Variants in KCNQ1 observed in about 807,000 individuals in gnomAD.
KCNQ1 encodes potassium voltage-gated channel subfamily Q member 1.
In KCNQ1, 49 loss-of-function variants were observed where a neutral mutation model predicts 72.4. The observed-to-expected ratio is 0.68, with a 90% CI of 0.54 to 0.86. The LOEUF (loss-of-function observed/expected upper bound fraction) is 0.86. Among genes scored for constraint, KCNQ1 ranks in the 40% least tolerant of loss-of-function variants. The probability of loss-of-function intolerance (pLI) is 0.00; values close to 1 mark genes in which losing one functional copy is unlikely to be tolerated. For synonymous variants in KCNQ1, 450 were observed against 412.6 expected (o/e 1.09, Z -1.10); for missense variants, 790 against 945.1 (o/e 0.84, Z 2.15).
intron 11 of KCNQ1, chr11:2,694,096 A>G: frequency 2.5e-6 from 1 of 398,676 alleles, no homozygotes; most frequent in Non-Finnish European, 4.4e-6. Flanking sequence ...TCTGGGTGGC[A>G]GCCCATAGGT....
chr11:2,454,714 A>T (rs572381831), intron 1 of KCNQ1, among the ~76,000 whole-genome samples: 2 of 152,230 alleles, frequency 1.3e-5, no homozygotes, highest in Non-Finnish European at 2.9e-5. Flanking sequence ...TTTTGATAAA[A>T]TTCATCATCC....
In KCNQ1 at chr11:2,657,703, GGATC is replaced by G; in HGVS notation, c.1394-4253_1394-4250del. On this transcript the variant is annotated intron_variant, in intron 10 of 15. Transcript: ENST00000155840. This position sits in a 1 kb window ranked among gnomAD's most constrained non-coding sequence, Gnocchi z 4.8. ...TTTTTCTGTTCCAAGATCCCATCTA[GGATC>G]GATCATTACATTTATTGTCATCTCT... 2.5e-6 allele frequency: 1 copy of G among 398,574 alleles called. No homozygotes were observed. Among genetic ancestry groups the G allele is most frequent in the Non-Finnish European group, 4.4e-6 (1 of 226,054 alleles). 24.7% of individuals were successfully genotyped at this position (398,574 alleles called of 1,614,324 possible).
At chr11:2,513,470 A>G (rs1359064095) in intron 1 of KCNQ1, among the ~76,000 whole-genome samples, 1 of 152,094 alleles carries the variant, frequency 6.6e-6, no homozygotes, top group East Asian at 1.9e-4. Context: ...CATAGAGCCT[A>G]GGGGGTCTTG....
intron 15 of KCNQ1, among the ~76,000 whole-genome samples, chr11:2,819,704 T>A (rs1428129452): frequency 6.6e-6 from 1 of 152,194 alleles, no homozygotes; most frequent in East Asian, 1.9e-4. Context: ...ATGGGATGGA[T>A]GTCGTCTGCT....
rs1846528435 is a variant in KCNQ1 at position 2,768,060 on chromosome 11, C to G, written c.1515-784C>G. Among the ~76,000 whole-genome samples the G allele has an allele frequency of 6.6e-6, 1 of 152,226 alleles. No individual in the cohort carries two copies. The highest frequency in any genetic ancestry group is 2.4e-5 in the African/African-American group (1 of 41,468). On this transcript the variant is annotated intron_variant, in intron 11 of 15. Coordinates refer to ENST00000155840, the MANE Select transcript of KCNQ1 (RefSeq NM_000218.3). This position sits in a 1 kb window ranked among gnomAD's most constrained non-coding sequence, Gnocchi z 6.7. ...TGGGATCCTCACCTTCTATGTCTTT[C>G]TTGGTCTCCAAAGCCTCACACAGCT...
Position 2,486,117 on chromosome 11 carries a change from A to G in KCNQ1, c.386+40633A>G, listed in dbSNP as rs763274129. 2.6e-5 allele frequency among the ~76,000 whole-genome samples: 4 copies of G among 152,212 alleles called. No individual in the cohort carries two copies. The highest frequency in any genetic ancestry group is 5.9e-5 in the Non-Finnish European group (4 of 68,038). On this transcript the variant is annotated intron_variant, in intron 1 of 15. Transcript: ENST00000155840. The surrounding 1 kb of genome is among the most constrained non-coding windows in gnomAD (Gnocchi z 5.0). The stretch of plus-strand genomic sequence containing the variant: ...AGTTTTAATTTCTTGAGGAACCACT[A>G]TGCCGTTTTCCACAGTAGCTACCAC...
chr11:2,584,772 A>C (rs1413408899), intron 7 of KCNQ1, among the ~76,000 whole-genome samples: 1 of 152,050 alleles, frequency 6.6e-6, no homozygotes, highest in East Asian at 1.9e-4. Context: ...TCCTCTGTAG[A>C]CACGGAGTTC....
In KCNQ1 at chr11:2,690,787, G is replaced by A. The variant is rs1850575412; in HGVS notation, c.1514+28706G>A. The A allele has an allele frequency of 2.5e-6, 1 of 398,664 alleles. No homozygotes were observed. Among genetic ancestry groups the A allele is most frequent in the South Asian group, 1.3e-4 (1 of 7,852 alleles). The allele number at this position is 398,664 out of a possible 1,614,324, so 24.7% of individuals were successfully genotyped here. ...ATGTGGCCTGGCAGGGGGTCAGCAGGAGGGAGGTCCCTGTCTCCTTGGCTT... is the reference window on the plus strand; with the variant it reads ...ATGTGGCCTGGCAGGGGGTCAGCAGAAGGGAGGTCCCTGTCTCCTTGGCTT... On this transcript the variant is annotated intron_variant, in intron 11 of 15. Coordinates refer to ENST00000155840, the MANE Select transcript of KCNQ1 (RefSeq NM_000218.3). The surrounding 1 kb of genome is among the most constrained non-coding windows in gnomAD (Gnocchi z 5.1).
At chr11:2,778,530 C>G (rs765785078) in intron 15 of KCNQ1, among the ~76,000 whole-genome samples, 8 of 152,156 alleles carry the variant, frequency 5.3e-5, no homozygotes, top group Admixed American at 1.3e-4. Context: ...CTGTTCACCC[C>G]GAACCCACCA....
chr11:2,810,733 G>A (rs940756490), intron 15 of KCNQ1, among the ~76,000 whole-genome samples: 6 of 152,262 alleles, frequency 3.9e-5, no homozygotes, highest in African/African-American at 1.4e-4. Context: ...CTCGGGATCT[G>A]TGCATGGATG....
intron 10 of KCNQ1, among the ~76,000 whole-genome samples, chr11:2,597,607 C>A (rs1344607814): frequency 1.3e-5 from 2 of 152,122 alleles, no homozygotes; most frequent in Non-Finnish European, 2.9e-5. Flanking sequence ...CAATGGTTTA[C>A]AAAACAAAGT....
chr11:2,520,183 C>T (rs1306142089), intron 1 of KCNQ1, among the ~76,000 whole-genome samples: 1 of 152,178 alleles, frequency 6.6e-6, no homozygotes, highest in East Asian at 1.9e-4. Flanking sequence ...GTGTCCCCAT[C>T]GATTGGTAGT....
intron 10 of KCNQ1, chr11:2,622,879 A>T (rs1849198283): frequency 2.5e-6 from 1 of 398,530 alleles, no homozygotes; most frequent in Non-Finnish European, 4.4e-6. Flanking sequence ...CTGCATTTAC[A>T]CATTATTATC....
rs1850302364 is a variant in KCNQ1 at position 2,676,776 on chromosome 11, T to C, written c.1514+14695T>C. The C allele has an allele frequency of 2.5e-6, 1 of 398,488 alleles. No homozygotes were observed. The highest frequency in any genetic ancestry group is 4.4e-6 in the Non-Finnish European group (1 of 226,078). The allele number at this position is 398,488 out of a possible 1,614,324, so 24.7% of individuals were successfully genotyped here. A position where few individuals can be genotyped will look rare whatever the true frequency, so the allele number is the denominator to read the frequency against. ...CTGTATGAAGCAACCCTAGGACATTTGAAGAGAATGGAGTGATGGCCAGTG... is the reference window on the plus strand; with the variant it reads ...CTGTATGAAGCAACCCTAGGACATTCGAAGAGAATGGAGTGATGGCCAGTG... On this transcript the variant is annotated intron_variant, in intron 11 of 15. Transcript: ENST00000155840. This position sits in a 1 kb window ranked among gnomAD's most constrained non-coding sequence, Gnocchi z 4.2.
In KCNQ1 at chr11:2,767,187, T is replaced by TG. The variant is rs56981519; in HGVS notation, c.1515-1657_1515-1656insG. 0.16 allele frequency among the ~76,000 whole-genome samples: 23,723 copies of TG among 147,806 alleles called. 1,999 individuals carry two copies. Among genetic ancestry groups the TG allele is most frequent in the South Asian group, 0.21 (988 of 4,698 alleles). The stretch of plus-strand genomic sequence containing the variant: ...ATCTATATGTGTGTGTGTGTGTGTA[T>TG]TTTTTTTTTTCTTTGCTTAGCTAGG... On this transcript the variant is annotated intron_variant, in intron 11 of 15. Transcript: ENST00000155840. The surrounding 1 kb of genome is among the most constrained non-coding windows in gnomAD (Gnocchi z 4.6).
chr11:2,811,331 T>C (rs1452006011), intron 15 of KCNQ1, among the ~76,000 whole-genome samples: 1 of 152,204 alleles, frequency 6.6e-6, no homozygotes, highest in Non-Finnish European at 1.5e-5. Flanking sequence ...TGGGGAATCA[T>C]CTCTGCAAAC....
rs76267842 is a variant in KCNQ1 at position 2,463,896 on chromosome 11, G to A, written c.386+18412G>A. On this transcript the variant is annotated intron_variant, in intron 1 of 15. Coordinates refer to ENST00000155840, the MANE Select transcript of KCNQ1 (RefSeq NM_000218.3). This position sits in a 1 kb window ranked among gnomAD's most constrained non-coding sequence, Gnocchi z 7.0. ...GGGACTTGTTTGGCTGATGGATCAG[G>A]GGGAAGGTTCTCCCCACGGTGTGAG... Among the ~76,000 whole-genome samples, 3,929 of 152,320 alleles carry A rather than the reference G, an allele frequency of 0.026. 122 individuals carry two copies. Among genetic ancestry groups the A allele is most frequent in the African/African-American group, 0.078 (3,224 of 41,558 alleles).
chr11:2,674,550 C>G lies in KCNQ1; in HGVS notation c.1514+12469C>G, dbSNP rs941833092. On this transcript the variant is annotated intron_variant, in intron 11 of 15. Transcript: ENST00000155840. This position sits in a 1 kb window ranked among gnomAD's most constrained non-coding sequence, Gnocchi z 5.9. ...CCCATTCGGAGGATTTAGACAAATA[C>G]CTCGAGTGAGTGAATCTGAAGCATG... 1.3e-5 allele frequency: 5 copies of G among 398,442 alleles called. No homozygotes were observed. Among genetic ancestry groups the G allele is most frequent in the Non-Finnish European group, 2.2e-5 (5 of 226,068 alleles). 24.7% of individuals were successfully genotyped at this position (398,442 alleles called of 1,614,324 possible).
At chr11:2,459,624 G>A (rs1032629414) in intron 1 of KCNQ1, among the ~76,000 whole-genome samples, 2 of 152,136 alleles carry the variant, frequency 1.3e-5, no homozygotes, top group Non-Finnish European at 2.9e-5. Flanking sequence ...TTGTTGTTCC[G>A]TCCACAGTAG....
Sources: gnomAD v4.1 joint callset for allele counts (sites outside exome capture counted in the v4.1 genomes callset) on GRCh38, gnomAD v4.1.1 for gene constraint, Gnocchi (gnomAD v3.1) non-coding constraint, MANE v1.5 for transcripts, NCBI Gene and HGNC (gene_info 2026-07-23, HGNC 2026-07-21) for gene names.